Variants in GIMAP8 observed in about 807,000 individuals in gnomAD.
GIMAP8 encodes the protein GTPase IMAP family member 8.
In GIMAP8, 29 loss-of-function variants were observed where a neutral mutation model predicts 35.6. The observed-to-expected ratio is 0.81, with a 90% CI of 0.61 to 1.11. The LOEUF (loss-of-function observed/expected upper bound fraction) is 1.11. Among genes scored for constraint, GIMAP8 ranks in the 50% most tolerant of loss-of-function variants. The pLI is 0.00. For synonymous variants in GIMAP8, 335 were observed against 308.7 expected (o/e 1.09, Z -0.89); for missense variants, 811 against 805.0 (o/e 1.01, Z -0.09).
chr7:150,475,823 A>C (rs1436310061), intron 4 of GIMAP8, among the ~76,000 whole-genome samples: 2 of 152,258 alleles, frequency 1.3e-5, no homozygotes, highest in African/African-American at 2.4e-5. Flanking sequence ...CTGAGCAGAA[A>C]GCTGGAAGAT....
chr7:150,463,044 T>TA (rs1284479250), intron 1 of GIMAP8, among the ~76,000 whole-genome samples: 2 of 152,148 alleles, frequency 1.3e-5, no homozygotes, highest in African/African-American at 2.4e-5. Flanking sequence ...AAGTTTTTTT[T>TA]ATCCAGACTG....
chr7:150,453,592 T>C (rs1361081722), intron 1 of GIMAP8, among the ~76,000 whole-genome samples: 1 of 152,258 alleles, frequency 6.6e-6, no homozygotes, highest in Non-Finnish European at 1.5e-5. Context: ...CTTCGGCGTA[T>C]CTGCTGCATT....
chr7:150,463,703 GCTCA>G (rs1801891396), intron 1 of GIMAP8, among the ~76,000 whole-genome samples: 1 of 152,174 alleles, frequency 6.6e-6, no homozygotes, highest in South Asian at 2.1e-4. Flanking sequence ...TACCAAGTGG[GCTCA>G]CCCTTGGGCC....
In GIMAP8 at chr7:150,477,699, C is replaced by A; in HGVS notation, c.1917C>A (p.Asn639Lys). 6.2e-7 allele frequency: 1 copy of A among 1,614,110 alleles called. No individual in the cohort carries two copies. Among genetic ancestry groups the A allele is most frequent in the Non-Finnish European group, 8.5e-7 (1 of 1,180,018 alleles). The change falls in exon 5 of 5, where the codon AAC becomes AAA. Residue 639 changes from asparagine to lysine, a missense_variant. By Grantham distance (94) the Asn-to-Lys change is moderately conservative (BLOSUM62 0). Transcript: ENST00000307271. Reference protein sequence around the residue: ...GWSGYPHTQENVSKLIKNVQE... With the variant: ...GWSGYPHTQEKVSKLIKNVQE... ...CCGGGTATCCCCATACACAGGAGAA[C>A]GTCAGCAAACTAATTAAAAATGTCC...
At chr7:150,455,175 T>G (rs1170509610) in intron 1 of GIMAP8, among the ~76,000 whole-genome samples, 2 of 143,224 alleles carry the variant, frequency 1.4e-5, no homozygotes, top group African/African-American at 2.6e-5. Context: ...AAAAAACTGG[T>G]CAACAAAAAA....
chr7:150,469,724 G>T lies in GIMAP8; in HGVS notation c.637-1105G>T, dbSNP rs186446011. On this transcript the variant is annotated intron_variant, in intron 2 of 4. Coordinates refer to ENST00000307271, the MANE Select transcript of GIMAP8 (RefSeq NM_175571.4). ...TATGCCCTGGAAATAAAAAAAAAAA[G>T]GTATACCTAAAGATATATGTACAAG... Among the ~76,000 whole-genome samples, 419 of 151,868 alleles carry T rather than the reference G, an allele frequency of 2.8e-3. 5 individuals are homozygous for T. The highest frequency in any genetic ancestry group is 0.022 in the South Asian group (106 of 4,794).
chr7:150,461,642 T>C (rs761278589), intron 1 of GIMAP8, among the ~76,000 whole-genome samples: 1 of 152,226 alleles, frequency 6.6e-6, no homozygotes, highest in Non-Finnish European at 1.5e-5. Flanking sequence ...AGCATATAGT[T>C]AGGTCTTGTT....
intron 1 of GIMAP8, among the ~76,000 whole-genome samples, chr7:150,465,649 G>A (rs1013600374): frequency 6.6e-6 from 1 of 152,206 alleles, no homozygotes; most frequent in African/African-American, 2.4e-5. Context: ...AGCATACAGT[G>A]TGTTGAGGAG....
intron 3 of GIMAP8, among the ~76,000 whole-genome samples, chr7:150,471,836 C>CA (rs11392838): frequency 0.29 from 40,251 of 140,022 alleles, 5,715 homozygotes; most frequent in East Asian, 0.45. Context: ...GACCCTGTCT[C>CA]AAAAAAAAAA....
At chr7:150,459,409 A>T (rs1356773399) in intron 1 of GIMAP8, among the ~76,000 whole-genome samples, 2 of 152,044 alleles carry the variant, frequency 1.3e-5, no homozygotes, top group East Asian at 3.9e-4. Context: ...TGGAACTAAG[A>T]CCTCTAGGCC....
chr7:150,466,824 TCAGA>T lies in GIMAP8; in HGVS notation c.130_133del (p.Thr44Ter). Reference sequence around the variant, plus strand: ...ATGTGTTCAAGTCCAAGTTCAGTGATCAGACAGTGATCAAAATGTGCCAGAGAGA... The same window carrying T: ...ATGTGTTCAAGTCCAAGTTCAGTGATCAGTGATCAAAATGTGCCAGAGAGA... On this transcript the variant is annotated frameshift_variant, in exon 2 of 5. Coordinates refer to ENST00000307271, the MANE Select transcript of GIMAP8 (RefSeq NM_175571.4). LOFTEE classifies it high-confidence loss of function. 1 of 1,614,230 alleles carries T rather than the reference TCAGA, an allele frequency of 6.2e-7. No individual in the cohort carries two copies. The highest frequency in any genetic ancestry group is 1.1e-5 in the South Asian group (1 of 91,088).
chr7:150,477,795 T>C lies in GIMAP8; in HGVS notation c.*15T>C. The C allele has an allele frequency of 6.3e-7, 1 of 1,596,492 alleles. No individual in the cohort carries two copies. Among genetic ancestry groups the C allele is most frequent in the Admixed American group, 1.7e-5 (1 of 58,466 alleles). ...TTTTACAATAGGTAGCCGAAGTGCC[T>C]GGGGTCTCTTCAATTAGAGACACCC... On this transcript the variant is annotated 3_prime_UTR_variant, in exon 5 of 5. Transcript: ENST00000307271.
In GIMAP8 at chr7:150,457,730, G is replaced by A. The variant is rs757494446; in HGVS notation, c.-29+6555G>A. 5.3e-5 allele frequency among the ~76,000 whole-genome samples: 8 copies of A among 152,310 alleles called. No homozygotes were observed. The South Asian group carries it at 1.2e-3, about 24-fold the overall frequency. On this transcript the variant is annotated intron_variant, in intron 1 of 4. Coordinates refer to ENST00000307271, the MANE Select transcript of GIMAP8 (RefSeq NM_175571.4). ...ACAAGCACATGAAAAAATGTAAAACGTAAACTCTGACAGCTGAAAACATTC... is the reference window on the plus strand; with the variant it reads ...ACAAGCACATGAAAAAATGTAAAACATAAACTCTGACAGCTGAAAACATTC...
At position 150,477,238 on chromosome 7, in the gene GIMAP8, G is replaced by A. The variant is rs199561369; in HGVS notation, c.1456G>A (p.Gly486Arg). ...CCAGAGTGGCAGGAGGACATGGGAC[G>A]GACAGGAGGTGGTGGTTGTGGACAC... Reference protein sequence around the residue: ...TSQSGRRTWDGQEVVVVDTPS... With the variant: ...TSQSGRRTWDRQEVVVVDTPS... The change falls in exon 5 of 5, where the codon GGA becomes AGA. Residue 486 changes from glycine to arginine, a missense_variant. By Grantham distance (125) the Gly-to-Arg change is moderately radical. Transcript: ENST00000307271. The A allele has an allele frequency of 6.8e-6, 11 of 1,613,954 alleles. No individual in the cohort carries two copies. Among genetic ancestry groups the A allele is most frequent in the African/African-American group, 2.7e-5 (2 of 74,882 alleles).
At position 150,467,057 on chromosome 7, in the gene GIMAP8, T is replaced by C; in HGVS notation, c.359T>C (p.Val120Ala). Residue 120 changes from valine to alanine, a missense_variant, in exon 2 of 5, where the codon GTG becomes GCG. Physicochemically the swap from Val to Ala is moderately conservative, Grantham distance 64. Transcript: ENST00000307271. ...GAAACAGCCAAGGGCATCCAACAAG[T>C]GTTTGGAGCTGAAGCCAGGAGGCAC... ...DEETAKGIQQ[V>A]FGAEARRHII... 6.2e-7 allele frequency: 1 copy of C among 1,614,132 alleles called. No homozygotes were observed. Among genetic ancestry groups the C allele is most frequent in the Non-Finnish European group, 8.5e-7 (1 of 1,180,022 alleles).
chr7:150,451,457 C>T lies in GIMAP8; in HGVS notation c.-29+282C>T, dbSNP rs896485642. Among the ~76,000 whole-genome samples the T allele has an allele frequency of 6.6e-6, 1 of 152,140 alleles. No homozygotes were observed. Among genetic ancestry groups the T allele is most frequent in the Non-Finnish European group, 1.5e-5 (1 of 68,030 alleles). ...TCCTCCTGGTCCAAAGCGTGTCTCC[C>T]CAGCCTGCTGGGGAGTAGATTCGGC... On this transcript the variant is annotated intron_variant, in intron 1 of 4. Coordinates refer to ENST00000307271, the MANE Select transcript of GIMAP8 (RefSeq NM_175571.4). The surrounding 1 kb of genome is among the most constrained non-coding windows in gnomAD (Gnocchi z 4.1).
chr7:150,466,848 G>T lies in GIMAP8; in HGVS notation c.150G>T (p.Gln50His). 1 of 1,614,204 alleles carries T rather than the reference G, an allele frequency of 6.2e-7. No individual in the cohort carries two copies. The highest frequency in any genetic ancestry group is 8.5e-7 in the Non-Finnish European group (1 of 1,180,024). ...ATCAGACAGTGATCAAAATGTGCCA[G>T]AGAGAGAGTTGGGTCCTGAGAGAAA... ...FSDQTVIKMC[Q>H]RESWVLRERK... is the part of the protein sequence containing the mutation. The change falls in exon 2 of 5, where the codon CAG becomes CAT. Residue 50 changes from glutamine (Q) to histidine (H), a missense_variant. Coordinates refer to ENST00000307271, the MANE Select transcript of GIMAP8 (RefSeq NM_175571.4).
intron 1 of GIMAP8, among the ~76,000 whole-genome samples, chr7:150,461,587 C>A (rs573072340): frequency 1.3e-5 from 2 of 152,144 alleles, no homozygotes; most frequent in Non-Finnish European, 1.5e-5. Context: ...AATCCCTTCA[C>A]TCTCATTCTA....
intron 3 of GIMAP8, 140 bp from the exon 4 acceptor site, chr7:150,473,871 TG>T: frequency 2.4e-6 from 2 of 819,714 alleles, no homozygotes; most frequent in East Asian, 5.0e-5. Flanking sequence ...GGAGAGCTTC[TG>T]GCTGAGAGTA....
Sources: allele counts gnomAD v4.1 joint callset (sites outside exome capture counted in the v4.1 genomes callset), GRCh38; gene constraint gnomAD v4.1.1; non-coding constraint Gnocchi (gnomAD v3.1); transcripts MANE v1.5; gene names NCBI Gene and HGNC (gene_info 2026-07-23, HGNC 2026-07-21).